WDR19: variants seen among roughly 807,000 people sequenced by gnomAD.
WDR19 encodes the protein WD repeat-containing protein 19.
A neutral mutation model predicts 180.0 loss-of-function variants in WDR19; 121 were observed. That is an observed-to-expected ratio of 0.67 (90% CI 0.58 to 0.78). The LOEUF is 0.78. Among genes scored for constraint, WDR19 ranks in the 30% least tolerant of loss-of-function variants. The pLI is 0.00. For missense variants in WDR19, 1,450 were observed against 1,640.7 expected, an observed-to-expected ratio of 0.88 and a Z score of 2.01; for synonymous variants, 497 against 540.7, an observed-to-expected ratio of 0.92 and a Z score of 1.12.
At position 39,215,862 on chromosome 4, in the gene WDR19, C is replaced by G. The variant is rs1440479412; in HGVS notation, c.983C>G (p.Thr328Ser). 6.2e-7 allele frequency: 1 copy of G among 1,613,284 alleles called. No homozygotes were observed. The highest frequency in any genetic ancestry group is 1.3e-5 in the African/African-American group (1 of 74,892). Residue 328 changes from threonine (T) to serine (S), a missense_variant, in exon 11 of 37, where the codon ACT (threonine) becomes AGT (serine). Coordinates refer to ENST00000399820, the MANE Select transcript of WDR19 (RefSeq NM_025132.4). ...ENKGLGTLSW[T>S]DDGQLLALST... ...TCAGGATTGGGTACCTTGTCCTGGA[C>G]TGATGATGGCCAGTTGCTAGCACTC...
At chr4:39,277,406 C>T (rs1200196610) in intron 34 of WDR19, among the ~76,000 whole-genome samples, 10 of 152,198 alleles carry the variant, frequency 6.6e-5, no homozygotes, top group African/African-American at 2.4e-4. Flanking sequence ...TCTGTAGTAA[C>T]ACCTGCCTAC....
intron 4 of WDR19, among the ~76,000 whole-genome samples, chr4:39,190,180 G>A (rs959161821): frequency 1.3e-5 from 2 of 152,152 alleles, no homozygotes; most frequent in African/African-American, 4.8e-5. Context: ...ACTACTGGTA[G>A]CTATCAGTAT....
intron 24 of WDR19, among the ~76,000 whole-genome samples, chr4:39,250,573 G>C (rs2109427974): frequency 6.6e-6 from 1 of 152,322 alleles, no homozygotes; most frequent in East Asian, 1.9e-4. Context: ...AATTGTCCCT[G>C]TTTGCAGATC....
In WDR19 at chr4:39,279,968, G is replaced by A. The variant is rs539210408; in HGVS notation, c.*13+1305G>A. 3.3e-5 allele frequency among the ~76,000 whole-genome samples: 5 copies of A among 151,914 alleles called. No homozygotes were observed. The East Asian group carries it at 9.6e-4, about 29-fold the overall frequency. On this transcript the variant is annotated intron_variant, in intron 36 of 36. Coordinates refer to ENST00000399820, the MANE Select transcript of WDR19 (RefSeq NM_025132.4). The stretch of plus-strand genomic sequence containing the variant: ...TTCGCCGGCCTCAGCCTCCCAAAGT[G>A]CTGGGATTACAGGCATGAGCCGCCA...
intron 26 of WDR19, 105 bp from the exon 27 acceptor site, chr4:39,255,743 T>A (rs369969233): frequency 3.8e-6 from 2 of 526,686 alleles, no homozygotes; most frequent in East Asian, 6.1e-5. Flanking sequence ...TGATGTTTGC[T>A]GTTAAGAGTT....
intron 24 of WDR19, among the ~76,000 whole-genome samples, chr4:39,250,516 G>T (rs1560538230): frequency 6.6e-6 from 1 of 152,130 alleles, no homozygotes; most frequent in Non-Finnish European, 1.5e-5. Context: ...GGGCAATTAG[G>T]CAGGAGAAGG....
At chr4:39,197,253 G>A (rs1488306244) in intron 5 of WDR19, among the ~76,000 whole-genome samples, 4 of 151,678 alleles carry the variant, frequency 2.6e-5, no homozygotes, top group African/African-American at 9.7e-5. Context: ...GTGAAACCCC[G>A]TCTCTACAAA....
rs778188588 is a variant in WDR19, at chr4:39,228,252, A to G, written c.1672A>G (p.Ile558Val). The change falls in exon 16 of 37, where the codon ATT (isoleucine) becomes GTT (valine). Residue 558 changes from isoleucine (I) to valine (V), a missense_variant. Transcript: ENST00000399820. ...TGAGATTCCAGATTTTTCACCAACC[A>G]TTAAAGGTGTTCTTTGGGAAAACTG... is the stretch of plus-strand genomic sequence containing the variant. Reference protein sequence around the residue: ...TYEIPDFSPTIKGVLWENWPM... With the variant: ...TYEIPDFSPTVKGVLWENWPM... 1 of 1,613,538 alleles carries G rather than the reference A, an allele frequency of 6.2e-7. No homozygotes were observed. Among genetic ancestry groups the G allele is most frequent in the African/African-American group, 1.3e-5 (1 of 75,048 alleles).
intron 14 of WDR19, among the ~76,000 whole-genome samples, chr4:39,224,625 T>A (rs999986978): frequency 1.3e-5 from 2 of 152,136 alleles, no homozygotes; most frequent in African/African-American, 4.8e-5. Flanking sequence ...CTCGAATTCC[T>A]TACCTTGTGA....
At chr4:39,281,236 T>TATATATAGAGAGTGAGAGAG (rs762298152) in intron 36 of WDR19, among the ~76,000 whole-genome samples, 1 of 104,040 alleles carries the variant, frequency 9.6e-6, no homozygotes, top group African/African-American at 5.2e-5. Flanking sequence ...TATATATATA[T>TATATATAGAGAGTGAGAGAG]AGAGAGAGAG....
chr4:39,259,811 C>G (rs1202817629), intron 28 of WDR19, among the ~76,000 whole-genome samples: 2 of 152,184 alleles, frequency 1.3e-5, no homozygotes, highest in Non-Finnish European at 2.9e-5. Flanking sequence ...CCAACTGTTT[C>G]CTGAAGCAGC....
At chr4:39,278,072 C>A in intron 34 of WDR19, 59 bp from the exon 35 acceptor site, 36 of 1,375,692 alleles carry the variant, frequency 2.6e-5, no homozygotes, top group Non-Finnish European at 3.2e-5. Context: ...AAAAAATTGA[C>A]TAACAGTGGG....
chr4:39,240,959 A>T (rs1216254884), intron 21 of WDR19, among the ~76,000 whole-genome samples: 1 of 151,260 alleles, frequency 6.6e-6, no homozygotes, highest in Non-Finnish European at 1.5e-5. Context: ...CCATCTCAAA[A>T]AAAAAAAAAA....
At chr4:39,268,956 G>C (rs1215906450) in intron 30 of WDR19, among the ~76,000 whole-genome samples, 1 of 152,166 alleles carries the variant, frequency 6.6e-6, no homozygotes, top group Non-Finnish European at 1.5e-5. Context: ...GGATGGAGAC[G>C]AGAGAAGGCA....
chr4:39,253,324 C>G (rs1298744076), intron 25 of WDR19, 32 bp downstream of exon 25: 4 of 1,582,696 alleles, frequency 2.5e-6, no homozygotes, highest in Non-Finnish European at 3.4e-6. Flanking sequence ...TTTGGACTTT[C>G]AAAAACTAAC....
chr4:39,231,034 G>A (rs1390336916), intron 17 of WDR19, among the ~76,000 whole-genome samples: 3 of 152,120 alleles, frequency 2.0e-5, no homozygotes, highest in Non-Finnish European at 4.4e-5. Context: ...GGGCTGGGCC[G>A]GGGACGGTGG....
chr4:39,269,751 C>G (rs760622160), intron 30 of WDR19, among the ~76,000 whole-genome samples: 28 of 152,190 alleles, frequency 1.8e-4, no homozygotes, highest in Non-Finnish European at 3.5e-4. Context: ...TTGCAGTGAA[C>G]AGAGATTGTG....
At chr4:39,227,526 C>T in intron 15 of WDR19, among the ~76,000 whole-genome samples, 1 of 152,152 alleles carries the variant, frequency 6.6e-6, no homozygotes, top group East Asian at 1.9e-4. Context: ...ATTCCCCATA[C>T]AGTATGACAA....
chr4:39,285,087 CAA>C, intron 36 of WDR19, among the ~76,000 whole-genome samples: 2 of 151,526 alleles, frequency 1.3e-5, no homozygotes, highest in East Asian at 3.9e-4. Flanking sequence ...AAGACACACA[CAA>C]AGTCACTGTA....
Sources: allele counts gnomAD v4.1 joint callset (sites outside exome capture counted in the v4.1 genomes callset), GRCh38; gene constraint gnomAD v4.1.1; transcripts MANE v1.5; gene names NCBI Gene and HGNC (gene_info 2026-07-23, HGNC 2026-07-21).